KCNE2: variants seen among roughly 807,000 people sequenced by gnomAD.
The protein encoded by KCNE2 is potassium voltage-gated channel subfamily E member 2.
In KCNE2, 4 loss-of-function variants were observed where a neutral mutation model predicts 4.5. The observed-to-expected ratio is 0.89, with a 90% CI of 0.44 to 2.03. KCNE2 has a LOEUF of 2.03. Among genes scored for constraint, KCNE2 ranks in the 30% most tolerant of loss-of-function variants. The pLI is 0.03. For synonymous variants in KCNE2, 57 were observed against 55.9 expected (o/e 1.02, Z -0.09); for missense variants, 137 against 151.4 (o/e 0.90, Z 0.50).
rs202169020 is a variant in KCNE2 at position 34,370,706 on chromosome 21, A to G, written c.228A>G (p.Arg76=). The change falls in exon 2 of 2, where the codon AGA becomes AGG. Residue 76 remains arginine (R), a synonymous_variant. Coordinates refer to ENST00000290310, the MANE Select transcript of KCNE2 (RefSeq NM_172201.2). ...AILVSTVKSK[R]REHSNDPYHQ... is the part of the protein sequence containing the mutation. Reference sequence around the variant, plus strand: ...TGGTGAGCACTGTGAAATCCAAGAGACGGGAACACTCCAATGACCCCTACC... The same window carrying G: ...TGGTGAGCACTGTGAAATCCAAGAGGCGGGAACACTCCAATGACCCCTACC... 19 of 1,614,192 alleles carry G rather than the reference A, an allele frequency of 1.2e-5. No homozygotes were observed. In the African/African-American group the frequency reaches 2.4e-4, roughly 20 times the overall value.
intron 1 of KCNE2, among the ~76,000 whole-genome samples, chr21:34,367,487 T>C (rs1002173077): frequency 5.3e-5 from 8 of 152,124 alleles, no homozygotes; most frequent in African/African-American, 1.9e-4. Context: ...TCTTATCTAT[T>C]TGTTAAGTTT....
In KCNE2 at chr21:34,370,616, C is replaced by CA. The variant is rs763797654; in HGVS notation, c.138_139insA (p.Tyr47IlefsTer36). The CA allele has an allele frequency of 6.2e-7, 1 of 1,614,090 alleles. No individual in the cohort carries two copies. The highest frequency in any genetic ancestry group is 2.2e-5 in the East Asian group (1 of 44,902). On this transcript the variant is annotated frameshift_variant, in exon 2 of 2. Coordinates refer to ENST00000290310, the MANE Select transcript of KCNE2 (RefSeq NM_172201.2). LOFTEE classifies it high-confidence loss of function. ...AAGCCAAAGTTGATGCTGAGAACTT[C>CA]TACTATGTCATCCTGTACCTCATGG...
In KCNE2 at chr21:34,370,683, G is replaced by A. The variant is rs542835031; in HGVS notation, c.205G>A (p.Val69Met). The A allele has an allele frequency of 1.9e-6, 3 of 1,614,152 alleles. No individual in the cohort carries two copies. The East Asian group carries it at 6.7e-5, about 36-fold the overall frequency. ...CTCTTTCATCATCGTGGCCATCCTGGTGAGCACTGTGAAATCCAAGAGACG... is the reference window on the plus strand; with the variant it reads ...CTCTTTCATCATCGTGGCCATCCTGATGAGCACTGTGAAATCCAAGAGACG... ...MFSFIIVAIL[V>M]STVKSKRREH... Residue 69 changes from valine (V) to methionine (M), a missense_variant, in exon 2 of 2, where the codon GTG becomes ATG. Coordinates refer to ENST00000290310, the MANE Select transcript of KCNE2 (RefSeq NM_172201.2).
chr21:34,370,319 T>C, intron 1 of KCNE2, 148 bp from the exon 2 acceptor site: 1 of 891,202 alleles, frequency 1.1e-6, no homozygotes, highest in Non-Finnish European at 1.7e-6. Flanking sequence ...GTTTAAAGAC[T>C]AACAAAATAT....
At chr21:34,368,230 ATATAT>A (rs1227937441) in intron 1 of KCNE2, among the ~76,000 whole-genome samples, 708 of 13,002 alleles carry the variant, frequency 0.054, 5 homozygotes, top group South Asian at 0.18. Flanking sequence ...CACACACACA[ATATAT>A]ATATATATAT....
chr21:34,371,046 G>A lies in KCNE2; in HGVS notation c.*196G>A, dbSNP rs1358632184. The A allele has an allele frequency of 1.4e-6, 1 of 690,990 alleles. No homozygotes were observed. The highest frequency in any genetic ancestry group is 1.8e-5 in the African/African-American group (1 of 55,494). 42.8% of individuals were successfully genotyped at this position (690,990 alleles called of 1,614,324 possible). A position where few individuals can be genotyped will look rare whatever the true frequency, so the allele number is the denominator to read the frequency against. On this transcript the variant is annotated 3_prime_UTR_variant, in exon 2 of 2. Transcript: ENST00000290310. Reference sequence around the variant, plus strand: ...TCTCAGTGATTTATGCTTGCTTGTTGGAGCAATATTTTGTGCTGAAGACCT... The same window carrying A: ...TCTCAGTGATTTATGCTTGCTTGTTAGAGCAATATTTTGTGCTGAAGACCT...
At chr21:34,369,596 G>C (rs1395617111) in intron 1 of KCNE2, among the ~76,000 whole-genome samples, 1 of 152,116 alleles carries the variant, frequency 6.6e-6, no homozygotes, top group African/African-American at 2.4e-5. Context: ...GCAGAGAGGG[G>C]CACATATAAC....
intron 1 of KCNE2, among the ~76,000 whole-genome samples, chr21:34,369,826 G>A (rs1405947554): frequency 6.6e-6 from 1 of 152,132 alleles, no homozygotes; most frequent in Non-Finnish European, 1.5e-5. Flanking sequence ...GGATACTTGG[G>A]ACAATGTGCC....
chr21:34,371,106 T>C lies in KCNE2; in HGVS notation c.*256T>C. On this transcript the variant is annotated 3_prime_UTR_variant, in exon 2 of 2. Transcript: ENST00000290310. ...TCCGGGCAAGTGAATGTCATTTTAATCAATATCAATGATGAAAATAAAGCC... is the reference window on the plus strand; with the variant it reads ...TCCGGGCAAGTGAATGTCATTTTAACCAATATCAATGATGAAAATAAAGCC... The C allele has an allele frequency of 1.9e-6, 1 of 539,814 alleles. No homozygotes were observed. The highest frequency in any genetic ancestry group is 2.3e-5 in the South Asian group (1 of 42,578). The allele number at this position is 539,814 out of a possible 1,614,324, so 33.4% of individuals were successfully genotyped here. A position where few individuals can be genotyped will look rare whatever the true frequency, so the allele number is the denominator to read the frequency against.
intron 1 of KCNE2, among the ~76,000 whole-genome samples, chr21:34,366,755 G>A (rs542639463): frequency 2.7e-4 from 41 of 151,924 alleles, no homozygotes; most frequent in South Asian, 4.2e-4. Flanking sequence ...CAAGGTGGGC[G>A]GATCACGAGG....
At position 34,370,795 on chromosome 21, in the gene KCNE2, C is replaced by A; in HGVS notation, c.317C>A (p.Ser106Ter). Residue 106 changes from serine (S) to a stop codon, truncating the protein, a stop_gained, in exon 2 of 2, where the codon TCG becomes TAG. Coordinates refer to ENST00000290310, the MANE Select transcript of KCNE2 (RefSeq NM_172201.2). LOFTEE classifies it low-confidence loss of function (END_TRUNC). The part of the protein sequence containing the change: ...YKSQILNLEE[S>*]KATIHENIGA... ...AGCCAAATCTTGAATCTAGAAGAAT[C>A]GAAGGCCACCATCCATGAGAACATT... The A allele has an allele frequency of 2.5e-6, 4 of 1,614,148 alleles. No individual in the cohort carries two copies. The highest frequency in any genetic ancestry group is 3.4e-6 in the Non-Finnish European group (4 of 1,180,022).
At position 34,370,868 on chromosome 21, in the gene KCNE2, A is replaced by G. The variant is rs1568814352; in HGVS notation, c.*18A>G. 3.1e-6 allele frequency: 5 copies of G among 1,613,304 alleles called. No individual in the cohort carries two copies. Among genetic ancestry groups the G allele is most frequent in the Non-Finnish European group, 4.2e-6 (5 of 1,180,038 alleles). ...CCCCCTGATAAGGGAGAAAGGCACC[A>G]AGCTAACATCTGACGTCCAGACATG... On this transcript the variant is annotated 3_prime_UTR_variant, in exon 2 of 2. Coordinates refer to ENST00000290310, the MANE Select transcript of KCNE2 (RefSeq NM_172201.2).
chr21:34,368,826 T>A (rs1453811058), intron 1 of KCNE2, among the ~76,000 whole-genome samples: 1 of 152,112 alleles, frequency 6.6e-6, no homozygotes, highest in African/African-American at 2.4e-5. Context: ...TAAACAAAAG[T>A]AATATGAATA....
In KCNE2 at chr21:34,370,610, G is replaced by C; in HGVS notation, c.132G>C (p.Glu44Asp). Residue 44 changes from glutamate (E) to aspartate (D), a missense_variant, in exon 2 of 2, where the codon GAG becomes GAC. By Grantham distance (45) the Glu-to-Asp change is conservative. Coordinates refer to ENST00000290310, the MANE Select transcript of KCNE2 (RefSeq NM_172201.2). ...CCCTCCAAGCCAAAGTTGATGCTGA[G>C]AACTTCTACTATGTCATCCTGTACC... Reference protein sequence around the residue: ...QEALQAKVDAENFYYVILYLM... With the variant: ...QEALQAKVDADNFYYVILYLM... 1 of 1,614,158 alleles carries C rather than the reference G, an allele frequency of 6.2e-7. No individual in the cohort carries two copies. Among genetic ancestry groups the C allele is most frequent in the Non-Finnish European group, 8.5e-7 (1 of 1,180,038 alleles).
chr21:34,364,369 G>A (rs966106103), intron 1 of KCNE2, among the ~76,000 whole-genome samples: 13 of 152,140 alleles, frequency 8.5e-5, no homozygotes, highest in Non-Finnish European at 1.5e-4. Flanking sequence ...AGGATTCATG[G>A]TAAACGTAGG....
At chr21:34,366,348 A>T (rs1406774292) in intron 1 of KCNE2, among the ~76,000 whole-genome samples, 1 of 152,072 alleles carries the variant, frequency 6.6e-6, no homozygotes, top group African/African-American at 2.4e-5. Flanking sequence ...TTTTCGAGGG[A>T]TCTTTAACAC....
In KCNE2 at chr21:34,370,863, G is replaced by A. The variant is rs776266940; in HGVS notation, c.*13G>A. 3.7e-6 allele frequency: 6 copies of A among 1,613,398 alleles called. No homozygotes were observed. In the Admixed American group the frequency reaches 1.0e-4, roughly 27 times the overall value. On this transcript the variant is annotated 3_prime_UTR_variant, in exon 2 of 2. Coordinates refer to ENST00000290310, the MANE Select transcript of KCNE2 (RefSeq NM_172201.2). ...AATGTCCCCCTGATAAGGGAGAAAG[G>A]CACCAAGCTAACATCTGACGTCCAG... is the stretch of plus-strand genomic sequence containing the variant.
intron 1 of KCNE2, among the ~76,000 whole-genome samples, chr21:34,369,828 C>A (rs1301312480): frequency 6.6e-6 from 1 of 152,204 alleles, no homozygotes. Flanking sequence ...ATACTTGGGA[C>A]AATGTGCCAC....
intron 1 of KCNE2, among the ~76,000 whole-genome samples, chr21:34,369,089 G>A (rs1006535192): frequency 1.3e-5 from 2 of 152,200 alleles, no homozygotes; most frequent in Admixed American, 6.5e-5. Context: ...AGGGAGGGAA[G>A]ATGTCAGGTG....
Sources: allele counts gnomAD v4.1 joint callset (sites outside exome capture counted in the v4.1 genomes callset), GRCh38; gene constraint gnomAD v4.1.1; transcripts MANE v1.5; gene names NCBI Gene and HGNC (gene_info 2026-07-23, HGNC 2026-07-21).